The following LNX2 variants were observed in gnomAD, a reference collection of about 807,000 sequenced individuals.
The protein encoded by LNX2 is ligand of Numb protein X 2.
Under a neutral mutation model 66.2 loss-of-function variants are expected in LNX2, and 35 were observed. The observed-to-expected ratio is 0.53, with a 90% CI of 0.40 to 0.70. The LOEUF (loss-of-function observed/expected upper bound fraction) is 0.70, where lower values mean the gene tolerates loss of function less well. LNX2 is among the 30% of genes least tolerant of loss of function. The pLI is 0.00. For synonymous variants in LNX2, 337 were observed against 315.6 expected (o/e 1.07, Z -0.72); for missense variants, 791 against 850.8 (o/e 0.93, Z 0.87).
intron 4 of LNX2, among the ~76,000 whole-genome samples, chr13:27,564,903 G>C (rs1209207727): frequency 6.6e-6 from 1 of 152,130 alleles, no homozygotes; most frequent in Non-Finnish European, 1.5e-5. Context: ...GTGGGAAAGG[G>C]GGGTGGCTTT....
chr13:27,577,419 T>G (rs1333050669), intron 2 of LNX2, among the ~76,000 whole-genome samples: 1 of 152,210 alleles, frequency 6.6e-6, no homozygotes, highest in African/African-American at 2.4e-5. Context: ...TTTTTTCTAT[T>G]TAGTTTTTCC....
At chr13:27,571,099 A>G (rs1955274028) in intron 2 of LNX2, among the ~76,000 whole-genome samples, 1 of 152,226 alleles carries the variant, frequency 6.6e-6, no homozygotes, top group Admixed American at 6.5e-5. Flanking sequence ...TATTTCACTC[A>G]GCATTAGAAG....
At chr13:27,614,280 T>C (rs1955804068) in intron 1 of LNX2, among the ~76,000 whole-genome samples, 1 of 152,208 alleles carries the variant, frequency 6.6e-6, no homozygotes, top group African/African-American at 2.4e-5. Context: ...GATATGCAAC[T>C]TGCCCAATTA....
At chr13:27,609,184 G>A (rs1360106365) in intron 1 of LNX2, among the ~76,000 whole-genome samples, 4 of 142,388 alleles carry the variant, frequency 2.8e-5, no homozygotes, top group Non-Finnish European at 6.0e-5. Flanking sequence ...ATGGAGTCTC[G>A]CTCTGTTGCC....
At chr13:27,585,398 G>C (rs916910146) in intron 1 of LNX2, among the ~76,000 whole-genome samples, 12 of 151,254 alleles carry the variant, frequency 7.9e-5, no homozygotes, top group Admixed American at 2.6e-4. Context: ...CTGCAGCCTG[G>C]GCAACACAGC....
At chr13:27,614,886 T>C (rs1222726684) in intron 1 of LNX2, among the ~76,000 whole-genome samples, 1 of 152,150 alleles carries the variant, frequency 6.6e-6, no homozygotes, top group African/African-American at 2.4e-5. Context: ...AACAAAGTGA[T>C]AGACAACAGA....
At chr13:27,579,467 G>C (rs2138388540) in intron 2 of LNX2, among the ~76,000 whole-genome samples, 1 of 152,242 alleles carries the variant, frequency 6.6e-6, no homozygotes, top group East Asian at 1.9e-4. Flanking sequence ...AATAAGCACA[G>C]CTGGAAAATG....
At chr13:27,601,026 T>C (rs1369865739) in intron 1 of LNX2, among the ~76,000 whole-genome samples, 1 of 152,150 alleles carries the variant, frequency 6.6e-6, no homozygotes, top group Admixed American at 6.5e-5. Flanking sequence ...CCCGGAAGAG[T>C]CTTATAAAGT....
intron 1 of LNX2, among the ~76,000 whole-genome samples, chr13:27,610,279 T>C (rs1955759031): frequency 6.6e-6 from 1 of 152,244 alleles, no homozygotes; most frequent in East Asian, 1.9e-4. Flanking sequence ...ATTGGTATCT[T>C]GCAACTATAA....
At chr13:27,602,093 C>T (rs922591207) in intron 1 of LNX2, among the ~76,000 whole-genome samples, 3 of 151,718 alleles carry the variant, frequency 2.0e-5, no homozygotes, top group Non-Finnish European at 2.9e-5. Context: ...TTACATTTAG[C>T]TTTTGAGGTG....
At chr13:27,552,913 T>G in intron 8 of LNX2, among the ~76,000 whole-genome samples, 1 of 152,182 alleles carries the variant, frequency 6.6e-6, no homozygotes, top group East Asian at 1.9e-4. Flanking sequence ...CATAGCGGAA[T>G]GAGTGCTGGT....
At chr13:27,590,370 C>T (rs1955534169) in intron 1 of LNX2, among the ~76,000 whole-genome samples, 1 of 152,114 alleles carries the variant, frequency 6.6e-6, no homozygotes, top group Non-Finnish European at 1.5e-5. Context: ...AGGCACATGC[C>T]ACCATGCGTG....
In LNX2 at chr13:27,550,378, T is replaced by C; in HGVS notation, c.1892A>G (p.Lys631Arg). ...ENHTNQPFFI[K>R]TIVLGTPAYY... The stretch of plus-strand genomic sequence containing the variant: ...AGCAGGAGTTCCCAAGACAATAGTT[T>C]TAATGAAAAAAGGCTGATTGGTGTG... The change falls in exon 9 of 10, where the codon AAA (lysine) becomes AGA (arginine). Residue 631 changes from lysine (K) to arginine (R), a missense_variant. Physicochemically the swap from Lys to Arg is conservative, Grantham distance 26. Coordinates refer to ENST00000316334, the MANE Select transcript of LNX2 (RefSeq NM_153371.4). 1 of 1,613,896 alleles carries C rather than the reference T, an allele frequency of 6.2e-7. No homozygotes were observed. The highest frequency in any genetic ancestry group is 8.5e-7 in the Non-Finnish European group (1 of 1,179,918).
intron 1 of LNX2, among the ~76,000 whole-genome samples, chr13:27,603,397 A>G (rs1023597431): frequency 6.6e-6 from 1 of 151,740 alleles, no homozygotes; most frequent in Non-Finnish European, 1.5e-5. Context: ...AAAAACAAAA[A>G]CACACCTTGG....
chr13:27,617,855 T>C (rs1410255424), intron 1 of LNX2, among the ~76,000 whole-genome samples: 2 of 152,310 alleles, frequency 1.3e-5, no homozygotes, highest in Non-Finnish European at 2.9e-5. Context: ...CAATTGTTTT[T>C]AACTGCTCCT....
intron 7 of LNX2, 31 bp from the exon 8 acceptor site, chr13:27,553,470 C>A (rs1955027913): frequency 1.3e-6 from 2 of 1,548,980 alleles, no homozygotes; most frequent in East Asian, 4.5e-5. Flanking sequence ...GAAAAATGAG[C>A]TGAGCCACTG....
intron 1 of LNX2, among the ~76,000 whole-genome samples, chr13:27,604,332 A>T (rs563130166): frequency 6.6e-6 from 1 of 152,374 alleles, no homozygotes; most frequent in East Asian, 1.9e-4. Context: ...TGGCCAGCAG[A>T]TCCACACAAT....
At chr13:27,551,429 T>C (rs1955006347) in intron 8 of LNX2, among the ~76,000 whole-genome samples, 1 of 151,732 alleles carries the variant, frequency 6.6e-6, no homozygotes, top group African/African-American at 2.4e-5. Context: ...TTTCCATAGC[T>C]CTATGGATTT....
intron 5 of LNX2, 102 bp from the exon 6 acceptor site, chr13:27,560,087 C>G: frequency 1.9e-6 from 2 of 1,061,182 alleles, no homozygotes; most frequent in African/African-American, 1.6e-5. Context: ...ATCACTGTAC[C>G]AGGGCGTCAT....
Sources: allele counts gnomAD v4.1 joint callset (sites outside exome capture counted in the v4.1 genomes callset), GRCh38; gene constraint gnomAD v4.1.1; transcripts MANE v1.5; gene names NCBI Gene and HGNC (gene_info 2026-07-23, HGNC 2026-07-21).